SRSF3: variants seen among roughly 807,000 people sequenced by gnomAD.
SRSF3 encodes serine and arginine rich splicing factor 3, also known as serine/arginine-rich splicing factor 3.
For synonymous variants in SRSF3, 87 were observed against 73.6 expected (o/e 1.18, Z -0.93); for missense variants, 58 against 217.1 (o/e 0.27, Z 4.61).
chr6:36,596,729 T>G, intron 1 of SRSF3, 32 bp from the exon 2 acceptor site: 1 of 1,582,370 alleles, frequency 6.3e-7, no homozygotes, highest in South Asian at 1.1e-5. Context: ...GATGTTTAGA[T>G]GAATGAATAT....
At position 36,596,622 on chromosome 6, in the gene SRSF3, C is replaced by T. The variant is rs534936622; in HGVS notation, c.-2-139C>T. On this transcript the variant is annotated intron_variant, in intron 1 of 5. Coordinates refer to ENST00000373715, the MANE Select transcript of SRSF3 (RefSeq NM_003017.5). ...AGCAGTAACATTTCTTGTTTGGTTT[C>T]TAGCATTTTTGTAATTTTTTTTTCT... The T allele has an allele frequency of 6.0e-5, 37 of 616,262 alleles. 1 individual carries two copies. The highest frequency in any genetic ancestry group is 4.6e-4 in the South Asian group (21 of 45,788). 38.2% of individuals were successfully genotyped at this position (616,262 alleles called of 1,614,324 possible).
chr6:36,596,707 G>GT lies in SRSF3; in HGVS notation c.-2-50dup, dbSNP rs535900793. On this transcript the variant is annotated intron_variant, in intron 1 of 5. Coordinates refer to ENST00000373715, the MANE Select transcript of SRSF3 (RefSeq NM_003017.5). ...ATGGAGTTCTTTCTAAGGATCTGTG[G>GT]TTTTAACTGTAGATGTTTAGATGAA... is the stretch of plus-strand genomic sequence containing the variant. The GT allele has an allele frequency of 5.6e-4, 854 of 1,515,244 alleles. 1 individual carries two copies. In the African/African-American group the frequency reaches 8.9e-3, roughly 16 times the overall value. The allele number at this position is 1,515,244 out of a possible 1,614,324, so 93.9% of individuals were successfully genotyped here. A position where few individuals can be genotyped will look rare whatever the true frequency, so the allele number is the denominator to read the frequency against.
intron 4 of SRSF3, chr6:36,601,455 C>T (rs1012045399): frequency 3.5e-6 from 2 of 565,850 alleles, no homozygotes; most frequent in Admixed American, 6.0e-5. Flanking sequence ...TGGAGTGATC[C>T]TCCCTCTTCA....
At chr6:36,598,824 A>G in intron 2 of SRSF3, 25 bp from the exon 3 acceptor site, 4 of 1,607,740 alleles carry the variant, frequency 2.5e-6, no homozygotes, top group Non-Finnish European at 3.4e-6. Flanking sequence ...AGGCTGTTTT[A>G]AGTTTAATAT....
At chr6:36,601,413 T>G (rs1778713832) in intron 4 of SRSF3, 1 of 591,390 alleles carries the variant, frequency 1.7e-6, no homozygotes, top group South Asian at 2.3e-5. Flanking sequence ...GTGGTGTGAT[T>G]ATAGCTCACT....
At position 36,602,249 on chromosome 6, in the gene SRSF3, C is replaced by CT; in HGVS notation, c.*264dup. On this transcript the variant is annotated 3_prime_UTR_variant, in exon 6 of 6. Transcript: ENST00000373715. ...TAAGCAAAATTGAATTTGCTTTGAACTTTTAGTTATGCACAGACTGATAAT... is the reference window on the plus strand; with the variant it reads ...TAAGCAAAATTGAATTTGCTTTGAACTTTTTAGTTATGCACAGACTGATAAT... 1 of 587,708 alleles carries CT rather than the reference C, an allele frequency of 1.7e-6. No homozygotes were observed. The highest frequency in any genetic ancestry group is 2.7e-6 in the Non-Finnish European group (1 of 372,546). The allele number at this position is 587,708 out of a possible 1,614,324, so 36.4% of individuals were successfully genotyped here.
At chr6:36,601,935 G>GTTTTTTTT (rs761840680) in intron 5 of SRSF3, 27 bp from the exon 6 acceptor site, 24 of 1,318,974 alleles carry the variant, frequency 1.8e-5, no homozygotes, top group South Asian at 3.8e-5. Context: ...GTAATGTTTT[G>GTTTTTTTT]TTTTCTTTTT....
chr6:36,602,149 G>GTGTAAT lies in SRSF3; in HGVS notation c.*162_*167dup. On this transcript the variant is annotated 3_prime_UTR_variant, in exon 6 of 6. Transcript: ENST00000373715. ...TGTCTCTTGAAACAGTGACACAAAG[G>GTGTAAT]TGTAATTCTCTATGGTTTGAAATGG... The GTGTAAT allele has an allele frequency of 7.4e-7, 1 of 1,359,102 alleles. No homozygotes were observed. Among genetic ancestry groups the GTGTAAT allele is most frequent in the Non-Finnish European group, 9.8e-7 (1 of 1,017,358 alleles). 84.2% of individuals were successfully genotyped at this position (1,359,102 alleles called of 1,614,324 possible).
rs757731047 is a variant in SRSF3, at chr6:36,599,001, T to A, written c.341+18T>A. 1 of 1,613,684 alleles carries A rather than the reference T, an allele frequency of 6.2e-7. No homozygotes were observed. The highest frequency in any genetic ancestry group is 1.7e-5 in the Admixed American group (1 of 59,926). ...CGTCGCAGGTACTTGAGAGAAAGCT[T>A]GTTAAGAGGTATTGGTGTAATGGAG... On this transcript the variant is annotated intron_variant, in intron 3 of 5. Coordinates refer to ENST00000373715, the MANE Select transcript of SRSF3 (RefSeq NM_003017.5).
chr6:36,594,667 T>C (rs1439943994), intron 1 of SRSF3, 186 bp downstream of exon 1: 2 of 152,262 alleles, frequency 1.3e-5, no homozygotes, highest in Non-Finnish European at 2.9e-5. Flanking sequence ...TGGAAGTCTT[T>C]ATATTCCTCA....
At chr6:36,601,298 G>A in intron 4 of SRSF3, 108 bp downstream of exon 4, 1 of 1,062,178 alleles carries the variant, frequency 9.4e-7, no homozygotes, top group Non-Finnish European at 1.4e-6. Context: ...GGCTTTAATA[G>A]TGAATCAAGT....
chr6:36,597,045 T>C, intron 2 of SRSF3, 77 bp downstream of exon 2: 1 of 1,345,964 alleles, frequency 7.4e-7, no homozygotes, highest in South Asian at 1.2e-5. Context: ...ATGTGGCTCT[T>C]AGATGGCTTT....
At chr6:36,597,250 C>T (rs900091697) in intron 2 of SRSF3, 15 of 443,456 alleles carry the variant, frequency 3.4e-5, no homozygotes, top group South Asian at 7.5e-5. Flanking sequence ...GGACTACAGG[C>T]GTGTGCCATC....
Position 36,602,236 on chromosome 6 carries a change from A to G in SRSF3, c.*247A>G, listed in dbSNP as rs1778729720. ...TACAATGTTCCCTTAAGCAAAATTG[A>G]ATTTGCTTTGAACTTTTAGTTATGC... On this transcript the variant is annotated 3_prime_UTR_variant, in exon 6 of 6. Transcript: ENST00000373715. 1 of 687,958 alleles carries G rather than the reference A, an allele frequency of 1.5e-6. No homozygotes were observed. 42.6% of individuals were successfully genotyped at this position (687,958 alleles called of 1,614,324 possible).
At chr6:36,599,072 T>G in intron 3 of SRSF3, 89 bp downstream of exon 3, 1 of 1,496,660 alleles carries the variant, frequency 6.7e-7, no homozygotes, top group Non-Finnish European at 9.0e-7. Context: ...TGGTGGGTTT[T>G]AAACTTTGGA....
rs1193712829 is a variant in SRSF3, at chr6:36,602,273, A to G, written c.*284A>G. ...ACTTTTAGTTATGCACAGACTGATA[A>G]TAAACCTCTAAACCTGCCCAGCGGA... On this transcript the variant is annotated 3_prime_UTR_variant, in exon 6 of 6. Coordinates refer to ENST00000373715, the MANE Select transcript of SRSF3 (RefSeq NM_003017.5). The G allele has an allele frequency of 4.6e-6, 2 of 431,374 alleles. No homozygotes were observed. The highest frequency in any genetic ancestry group is 7.8e-6 in the Non-Finnish European group (2 of 256,240). The allele number at this position is 431,374 out of a possible 1,614,324, so 26.7% of individuals were successfully genotyped here.
chr6:36,600,448 C>A, intron 3 of SRSF3: 1 of 231,092 alleles, frequency 4.3e-6, no homozygotes, highest in Non-Finnish European at 7.1e-6. Flanking sequence ...TGTAACTAGG[C>A]CTTCAAGTGA....
intron 4 of SRSF3, 178 bp from the exon 5 acceptor site, chr6:36,601,530 G>T: frequency 1.6e-6 from 1 of 624,944 alleles, no homozygotes; most frequent in Non-Finnish European, 2.8e-6. Flanking sequence ...TTTTTGTGGA[G>T]ATGGGATCTC....
chr6:36,600,112 C>A, intron 3 of SRSF3: 1 of 1,117,962 alleles, frequency 8.9e-7, no homozygotes, highest in South Asian at 2.1e-5. Context: ...ACAACTACAG[C>A]AGCAGCCTTC....
Sources: gnomAD v4.1 joint callset for allele counts on GRCh38, gnomAD v4.1.1 for gene constraint, MANE v1.5 for transcripts, NCBI Gene and HGNC (gene_info 2026-07-23, HGNC 2026-07-21) for gene names.